KHNYN: variants seen among roughly 807,000 people sequenced by gnomAD.
KHNYN encodes KH and NYN domain containing, also known as protein KHNYN.
Under a neutral mutation model 62.7 loss-of-function variants are expected in KHNYN, and 42 were observed. The ratio of observed to expected loss-of-function variants is 0.67; its 90% CI spans 0.52 to 0.87. KHNYN has a LOEUF of 0.87. Among genes scored for constraint, KHNYN ranks in the 40% least tolerant of loss-of-function variants. KHNYN has a pLI of 0.00. For missense variants in KHNYN, 829 were observed against 874.1 expected (o/e 0.95, Z 0.65); for synonymous variants, 347 against 345.6 (o/e 1.00, Z -0.04).
chr14:24,432,494 T>C lies in KHNYN; in HGVS notation c.1233T>C (p.Thr411=), dbSNP rs765098448. 1 of 1,613,814 alleles carries C rather than the reference T, an allele frequency of 6.2e-7. No homozygotes were observed. ...KRGARGGNLV[T]GTQRFKEALQ... ...GCGCCCGAGGGGGCAACTTGGTGAC[T>C]GGCACACAGCGTTTCAAGGAGGCCC... The change falls in exon 3 of 8, where the codon ACT becomes ACC. Residue 411 remains threonine, a synonymous_variant. Transcript: ENST00000553935. The surrounding 1 kb of genome is among the most constrained non-coding windows in gnomAD (Gnocchi z 5.6).
chr14:24,429,828 G>T (rs2043070793), upstream of KHNYN: 10 of 1,060,318 alleles, frequency 9.4e-6, 1 homozygote, highest in South Asian at 2.5e-4. Context: ...CCCTGGAGCC[G>T]CCGAGGGGAC....
chr14:24,430,808 A>ACTG lies in KHNYN; in HGVS notation c.79_80insTGC (p.Glu26_Gln27insLeu). ...CGGAGGCTGAGAACAAGGTTCGGGA[A>ACTG]CAGCAGCCCCATGTGGAGCGCATCT... On this transcript the variant is annotated inframe_insertion, in exon 2 of 8. Transcript: ENST00000553935. 6.2e-7 allele frequency: 1 copy of ACTG among 1,611,478 alleles called. No individual in the cohort carries two copies. Among genetic ancestry groups the ACTG allele is most frequent in the Non-Finnish European group, 8.5e-7 (1 of 1,178,880 alleles).
chr14:24,435,200 T>A (rs1594757309), intron 5 of KHNYN, among the ~76,000 whole-genome samples: 1 of 152,152 alleles, frequency 6.6e-6, no homozygotes, highest in Admixed American at 6.5e-5. Flanking sequence ...GAGGAAATAG[T>A]TGGAGAAATA....
rs950905878 is a variant in KHNYN at position 24,431,448 on chromosome 14, C to T, written c.202-15C>T. On this transcript the variant is annotated splice_polypyrimidine_tract_variant and intron_variant, in intron 2 of 7. Transcript: ENST00000553935. ...GTTAGTTTACTTTTCCTGACCTTCC[C>T]TTCCTCCCAACCAGGAGTACCTGAA... is the stretch of plus-strand genomic sequence containing the variant. 1 of 1,543,400 alleles carries T rather than the reference C, an allele frequency of 6.5e-7. No individual in the cohort carries two copies. Among genetic ancestry groups the T allele is most frequent in the Non-Finnish European group, 8.8e-7 (1 of 1,141,356 alleles).
chr14:24,439,030 A>G lies in KHNYN; in HGVS notation c.*1745A>G, dbSNP rs1424976185. 8.6e-6 allele frequency: 1 copy of G among 116,256 alleles called. No homozygotes were observed. The highest frequency in any genetic ancestry group is 1.6e-5 in the Non-Finnish European group (1 of 62,316). 7.2% of individuals were successfully genotyped at this position (116,256 alleles called of 1,614,324 possible). A position where few individuals can be genotyped will look rare whatever the true frequency, so the allele number is the denominator to read the frequency against. Reference sequence around the variant, plus strand: ...GGTGTGTTGGAGACAGGCTGGTCAAAGAGGTGACAATGATTAAGAGATAAC... The same window carrying G: ...GGTGTGTTGGAGACAGGCTGGTCAAGGAGGTGACAATGATTAAGAGATAAC... On this transcript the variant is annotated 3_prime_UTR_variant, in exon 8 of 8. Transcript: ENST00000553935.
chr14:24,431,682 C>A lies in KHNYN; in HGVS notation c.421C>A (p.Arg141=), dbSNP rs779870049. ...GAGCCGGGTAGAAGAGCTGGCAGAG[C>A]GGCTGAGCTGGGACTTCACGCCAGG... ...AQSRVEELAE[R]LSWDFTPGPS... The change falls in exon 3 of 8, where the codon CGG becomes AGG. Residue 141 remains arginine, a synonymous_variant. Transcript: ENST00000553935. The A allele has an allele frequency of 1.2e-6, 2 of 1,614,054 alleles. No homozygotes were observed. The highest frequency in any genetic ancestry group is 1.7e-6 in the Non-Finnish European group (2 of 1,180,040).
Position 24,441,364 on chromosome 14 carries a change from G to C in KHNYN, c.*4079G>C, listed in dbSNP as rs1417919577. 2.2e-6 allele frequency: 1 copy of C among 462,890 alleles called. No individual in the cohort carries two copies. Among genetic ancestry groups the C allele is most frequent in the Non-Finnish European group, 3.8e-6 (1 of 261,658 alleles). 28.7% of individuals were successfully genotyped at this position (462,890 alleles called of 1,614,324 possible). A position where few individuals can be genotyped will look rare whatever the true frequency, so the allele number is the denominator to read the frequency against. ...CAAATAGTGGCTGGTGTGTATAATT[G>C]TTTGCAATTACTTGGTCCCAAAGGT... On this transcript the variant is annotated 3_prime_UTR_variant, in exon 8 of 8. Transcript: ENST00000553935.
At position 24,440,774 on chromosome 14, in the gene KHNYN, G is replaced by A. The variant is rs759396023; in HGVS notation, c.*3489G>A. 1.6e-5 allele frequency: 26 copies of A among 1,613,442 alleles called. No individual in the cohort carries two copies. Among genetic ancestry groups the A allele is most frequent in the Middle Eastern group, 1.6e-4 (1 of 6,070 alleles). On this transcript the variant is annotated 3_prime_UTR_variant, in exon 8 of 8. Transcript: ENST00000553935. ...CCAACCCTGTCTGATACCCAGGCCC[G>A]TTTCTCACCTGAGCGCACCACCACC...
rs761328709 is a variant in KHNYN at position 24,433,021 on chromosome 14, C to T, written c.1566C>T (p.Ser522=). The T allele has an allele frequency of 6.2e-7, 1 of 1,613,932 alleles. No homozygotes were observed. The highest frequency in any genetic ancestry group is 8.5e-7 in the Non-Finnish European group (1 of 1,179,800). The part of the protein sequence containing the change: ...SRVMDGKRIS[S]YDDRFMVKLA... ...TCATGGATGGCAAGAGGATCTCCTC[C>T]TATGATGACAGGTACTTGCTCCTCT... The change falls in exon 5 of 8, where the codon TCC becomes TCT. Residue 522 remains serine (S), a synonymous_variant. Coordinates refer to ENST00000553935, the MANE Select transcript of KHNYN (RefSeq NM_015299.3).
intron 5 of KHNYN, 31 bp from the exon 6 acceptor site, chr14:24,436,041 C>T: frequency 6.4e-7 from 1 of 1,566,880 alleles, no homozygotes; most frequent in South Asian, 1.1e-5. Flanking sequence ...ATTTTTCAAC[C>T]CTCTCTCGGT....
chr14:24,436,551 C>A (rs951394521), intron 7 of KHNYN, 62 bp downstream of exon 7: 6 of 1,254,408 alleles, frequency 4.8e-6, no homozygotes, highest in African/African-American at 4.6e-5. Context: ...TCAGCAGGCC[C>A]AGAGACTTGG....
At position 24,430,943 on chromosome 14, in the gene KHNYN, C is replaced by T. The variant is rs2043098404; in HGVS notation, c.201+12C>T. ...CCAGCAGAGCCAAGGTGAACGCCTT[C>T]TCTCCCCCATCCCTCCAGGCACCAA... is the stretch of plus-strand genomic sequence containing the variant. On this transcript the variant is annotated intron_variant, in intron 2 of 7. Transcript: ENST00000553935. The T allele has an allele frequency of 1.9e-6, 3 of 1,606,338 alleles. No individual in the cohort carries two copies. The highest frequency in any genetic ancestry group is 2.6e-6 in the Non-Finnish European group (3 of 1,174,556).
upstream of KHNYN, chr14:24,429,142 C>A (rs2043059210): frequency 1.5e-6 from 2 of 1,377,620 alleles, no homozygotes; most frequent in Middle Eastern, 2.6e-4. Context: ...ACCGCCGGCA[C>A]CCTGATCGTC....
chr14:24,440,119 TG>T lies in KHNYN; in HGVS notation c.*2837del, dbSNP rs1469791515. The T allele has an allele frequency of 1.2e-5, 20 of 1,610,356 alleles. No homozygotes were observed. The highest frequency in any genetic ancestry group is 1.6e-5 in the Non-Finnish European group (19 of 1,177,244). On this transcript the variant is annotated 3_prime_UTR_variant, in exon 8 of 8. Transcript: ENST00000553935. The stretch of plus-strand genomic sequence containing the variant: ...TTTCCTTTAAGGCAGCCCCTAGCTC[TG>T]GGAAGGAATACTGGTAGCCAGTGGC...
intron 1 of KHNYN, chr14:24,430,437 C>T (rs947764849): frequency 2.4e-6 from 3 of 1,238,706 alleles, no homozygotes; most frequent in Non-Finnish European, 3.1e-6. Flanking sequence ...CGAGCTGGAG[C>T]CCCCCCACCC....
In KHNYN at chr14:24,440,792, C is replaced by A. The variant is rs753514690; in HGVS notation, c.*3507C>A. On this transcript the variant is annotated 3_prime_UTR_variant, in exon 8 of 8. Transcript: ENST00000553935. ...CAGGCCCGTTTCTCACCTGAGCGCA[C>A]CACCACCTGGCGTGTAGAATCTCCA... 3.7e-6 allele frequency: 6 copies of A among 1,613,848 alleles called. No individual in the cohort carries two copies. Among genetic ancestry groups the A allele is most frequent in the Non-Finnish European group, 4.2e-6 (5 of 1,179,856 alleles).
At chr14:24,431,217 C>T (rs547799094) in intron 2 of KHNYN, among the ~76,000 whole-genome samples, 35 of 152,314 alleles carry the variant, frequency 2.3e-4, no homozygotes, top group African/African-American at 7.9e-4. Context: ...TTGGCCCCAC[C>T]AAGGAATGCA....
At position 24,441,008 on chromosome 14, in the gene KHNYN, C is replaced by A. The variant is rs1566507075; in HGVS notation, c.*3723C>A. On this transcript the variant is annotated 3_prime_UTR_variant, in exon 8 of 8. Transcript: ENST00000553935. ...GTAGTGGAGGCTCCCCTTGGCCTCACCTTCTCTGGCCCTTAGGATCTCCCC... is the reference window on the plus strand; with the variant it reads ...GTAGTGGAGGCTCCCCTTGGCCTCAACTTCTCTGGCCCTTAGGATCTCCCC... The A allele has an allele frequency of 7.0e-7, 1 of 1,421,906 alleles. No individual in the cohort carries two copies. The highest frequency in any genetic ancestry group is 2.3e-5 in the East Asian group (1 of 43,142). 88.1% of individuals were successfully genotyped at this position (1,421,906 alleles called of 1,614,324 possible).
At position 24,438,646 on chromosome 14, in the gene KHNYN, G is replaced by A. The variant is rs555127613; in HGVS notation, c.*1361G>A. 6.6e-6 allele frequency: 1 copy of A among 152,288 alleles called. No individual in the cohort carries two copies. Among genetic ancestry groups the A allele is most frequent in the Admixed American group, 6.5e-5 (1 of 15,300 alleles). The allele number at this position is 152,288 out of a possible 1,614,324, so 9.4% of individuals were successfully genotyped here. The stretch of plus-strand genomic sequence containing the variant: ...CTATCTCCAGGGTAGCACATTCCCT[G>A]TGTAGACGGTATTAATCAGTACTCC... On this transcript the variant is annotated 3_prime_UTR_variant, in exon 8 of 8. Transcript: ENST00000553935.
Sources: allele counts gnomAD v4.1 joint callset (sites outside exome capture counted in the v4.1 genomes callset), GRCh38; gene constraint gnomAD v4.1.1; non-coding constraint Gnocchi (gnomAD v3.1); transcripts MANE v1.5; gene names NCBI Gene and HGNC (gene_info 2026-07-23, HGNC 2026-07-21).